Variants in UBE3D observed in about 807,000 individuals in gnomAD.
UBE3D encodes E3 ubiquitin-protein ligase E3D.
UBE3D carries 48 observed loss-of-function variants against 49.6 expected under a neutral mutation model. The ratio of observed to expected loss-of-function variants is 0.97; its 90% CI spans 0.77 to 1.23. UBE3D has a LOEUF of 1.23. UBE3D is among the 50% of genes most tolerant of loss of function. The pLI, the probability that UBE3D is intolerant of heterozygous loss-of-function variation, is 0.00. For missense variants in UBE3D, 452 were observed against 468.4 expected, an observed-to-expected ratio of 0.96 and a Z score of 0.32; for synonymous variants, 189 against 174.2, an observed-to-expected ratio of 1.08 and a Z score of -0.67.
At chr6:82,919,477 G>A (rs533895941) in intron 9 of UBE3D, among the ~76,000 whole-genome samples, 14 of 151,850 alleles carry the variant, frequency 9.2e-5, no homozygotes, top group African/African-American at 2.4e-4. Context: ...GGTGGCAGGC[G>A]CCTGTAGTCC....
rs1782939000 is a variant in UBE3D at position 83,045,044 on chromosome 6, C to CA, written c.366-386dup. ...TCCACAATATTCTATTCCATAAGTA[C>CA]ATCAAAACTTTTGAGATGATTCCCT... On this transcript the variant is annotated intron_variant, in intron 3 of 9. Coordinates refer to ENST00000369747, the MANE Select transcript of UBE3D (RefSeq NM_198920.3). Among the ~76,000 whole-genome samples the CA allele has an allele frequency of 2.6e-5, 4 of 152,252 alleles. No homozygotes were observed. The South Asian group carries it at 8.3e-4, about 32-fold the overall frequency.
At chr6:82,927,498 A>G (rs1773843109) in intron 9 of UBE3D, among the ~76,000 whole-genome samples, 1 of 152,066 alleles carries the variant, frequency 6.6e-6, no homozygotes, top group African/African-American at 2.4e-5. Flanking sequence ...CCTTTCCATG[A>G]ACACGGAATA....
chr6:82,988,125 T>C (rs1483869836), intron 8 of UBE3D, among the ~76,000 whole-genome samples: 3 of 152,222 alleles, frequency 2.0e-5, no homozygotes, highest in African/African-American at 4.8e-5. Context: ...GTTATGCAAC[T>C]AAGAAGTTTT....
At chr6:83,050,242 T>C (rs1302903123) in intron 3 of UBE3D, among the ~76,000 whole-genome samples, 2 of 75,186 alleles carry the variant, frequency 2.7e-5, no homozygotes, top group East Asian at 1.0e-3. Flanking sequence ...GAACCTTTTT[T>C]ATTTAAAAAA....
Position 82,986,483 on chromosome 6 carries a change from A to AC in UBE3D, c.1011-29034_1011-29033insG, listed in dbSNP as rs1778510697. ...AACACTCTGTCTCAAAAAAAAAAAA[A>AC]AAAAAAAAAAAAAAACTTTTGTACT... On this transcript the variant is annotated intron_variant, in intron 8 of 9. Transcript: ENST00000369747. Among the ~76,000 whole-genome samples the AC allele has an allele frequency of 2.7e-5, 4 of 149,822 alleles. No individual in the cohort carries two copies. The South Asian group carries it at 8.3e-4, about 31-fold the overall frequency.
intron 9 of UBE3D, among the ~76,000 whole-genome samples, chr6:82,911,508 C>G (rs534084612): frequency 6.6e-6 from 1 of 152,162 alleles, no homozygotes; most frequent in African/African-American, 2.4e-5. Context: ...ATACTTCTCA[C>G]AAGTCTGAGC....
At chr6:82,967,927 C>G (rs1473234071) in intron 8 of UBE3D, among the ~76,000 whole-genome samples, 1 of 152,150 alleles carries the variant, frequency 6.6e-6, no homozygotes, top group African/African-American at 2.4e-5. Context: ...ACAGGCTACT[C>G]AACTCCATAC....
At chr6:82,922,469 C>T (rs1420433873) in intron 9 of UBE3D, among the ~76,000 whole-genome samples, 2 of 152,166 alleles carry the variant, frequency 1.3e-5, no homozygotes, top group Non-Finnish European at 2.9e-5. Flanking sequence ...CTGACACATA[C>T]AAGCAATGGG....
intron 9 of UBE3D, chr6:82,938,500 TAAAG>T (rs758494088): frequency 1.4e-4 from 21 of 152,138 alleles, no homozygotes; most frequent in Admixed American, 2.6e-4. Context: ...CATCTGAGGG[TAAAG>T]AGAGAAGGAA....
chr6:82,924,495 A>G (rs1454256786), intron 9 of UBE3D, among the ~76,000 whole-genome samples: 1 of 152,186 alleles, frequency 6.6e-6, no homozygotes, highest in Non-Finnish European at 1.5e-5. Flanking sequence ...AGTTTCTAGT[A>G]TCACAAATTC....
intron 9 of UBE3D, among the ~76,000 whole-genome samples, chr6:82,897,172 A>C (rs75893414): frequency 2.0e-5 from 3 of 152,182 alleles, no homozygotes; most frequent in Non-Finnish European, 2.9e-5. Flanking sequence ...TAAAAAAAAA[A>C]CACAAAACTT....
At position 82,988,603 on chromosome 6, in the gene UBE3D, A is replaced by G. The variant is rs114437025; in HGVS notation, c.1010+30370T>C. 5.3e-3 allele frequency among the ~76,000 whole-genome samples: 805 copies of G among 152,302 alleles called. 6 individuals carry two copies. The highest frequency in any genetic ancestry group is 0.018 in the African/African-American group (761 of 41,560). ...CAGCCAGTAATCATATGAGGTCTAT[A>G]TGGGACATCAGGCTTCAGATAGAGC... On this transcript the variant is annotated intron_variant, in intron 8 of 9. Transcript: ENST00000369747.
intron 9 of UBE3D, among the ~76,000 whole-genome samples, chr6:82,932,973 A>G (rs1167672201): frequency 6.6e-6 from 1 of 152,176 alleles, no homozygotes; most frequent in African/African-American, 2.4e-5. Context: ...AGAATGTGAC[A>G]GTATGAGAGG....
intron 8 of UBE3D, among the ~76,000 whole-genome samples, chr6:82,982,814 G>A (rs1778204096): frequency 6.6e-6 from 1 of 152,078 alleles, no homozygotes; most frequent in Non-Finnish European, 1.5e-5. Context: ...GTTTTCATTT[G>A]TTCACTGGAA....
rs1782832849 is a variant in UBE3D, at chr6:83,043,744, T to C, written c.597+684A>G. Reference sequence around the variant, plus strand: ...GAATGATTTTACTTTTTAAATAATATCTGTATTGACTGGCCATCAGTGGAA... The same window carrying C: ...GAATGATTTTACTTTTTAAATAATACCTGTATTGACTGGCCATCAGTGGAA... On this transcript the variant is annotated intron_variant, in intron 4 of 9. Transcript: ENST00000369747. Among the ~76,000 whole-genome samples the C allele has an allele frequency of 2.6e-5, 4 of 152,250 alleles. No individual in the cohort carries two copies. The South Asian group carries it at 8.3e-4, about 31-fold the overall frequency.
intron 8 of UBE3D, among the ~76,000 whole-genome samples, chr6:82,983,538 A>G (rs2127721601): frequency 7.2e-6 from 1 of 139,238 alleles, no homozygotes; most frequent in East Asian, 2.0e-4. Context: ...AATAGAGCTA[A>G]AAAGTAGTAA....
chr6:82,959,976 G>A (rs1482826991), intron 8 of UBE3D, among the ~76,000 whole-genome samples: 1 of 152,048 alleles, frequency 6.6e-6, no homozygotes, highest in Non-Finnish European at 1.5e-5. Context: ...TTGCAGTCCC[G>A]GGAAGAAAAG....
At chr6:82,921,870 T>C (rs1211104300) in intron 9 of UBE3D, among the ~76,000 whole-genome samples, 2 of 152,106 alleles carry the variant, frequency 1.3e-5, no homozygotes, top group Non-Finnish European at 2.9e-5. Flanking sequence ...CCGGCAAAAC[T>C]GTAGACATTT....
intron 8 of UBE3D, among the ~76,000 whole-genome samples, chr6:82,983,337 C>T (rs907275338): frequency 6.6e-6 from 1 of 151,970 alleles, no homozygotes; most frequent in African/African-American, 2.4e-5. Flanking sequence ...TGTTTGATAA[C>T]TTCTTTTCTA....
Sources: allele counts gnomAD v4.1 joint callset (sites outside exome capture counted in the v4.1 genomes callset), GRCh38; gene constraint gnomAD v4.1.1; transcripts MANE v1.5; gene names NCBI Gene and HGNC (gene_info 2026-07-23, HGNC 2026-07-21).